WDHD1: variants seen among roughly 807,000 people sequenced by gnomAD.
WDHD1 encodes the protein WD repeat and HMG-box DNA binding protein 1.
In WDHD1, 111 loss-of-function variants were observed where a neutral mutation model predicts 135.4. That is an observed-to-expected ratio of 0.82 (90% CI 0.70 to 0.96). WDHD1 has a LOEUF of 0.96. WDHD1 is among the 40% of genes least tolerant of loss of function. WDHD1 has a pLI of 0.00. For synonymous variants in WDHD1, 434 were observed against 439.0 expected (o/e 0.99, Z 0.14); for missense variants, 1,351 against 1,336.3 (o/e 1.01, Z -0.17).
chr14:54,982,680 A>G (rs2041637644), intron 15 of WDHD1, among the ~76,000 whole-genome samples: 1 of 152,190 alleles, frequency 6.6e-6, no homozygotes, highest in Non-Finnish European at 1.5e-5. Flanking sequence ...CGGAGAAAAA[A>G]ATCTATACAA....
intron 16 of WDHD1, among the ~76,000 whole-genome samples, chr14:54,972,278 A>C (rs1221349089): frequency 2.8e-5 from 4 of 141,940 alleles, no homozygotes; most frequent in African/African-American, 7.9e-5. Flanking sequence ...CGGTCTCACC[A>C]AAAAAAAAAA....
At position 54,977,087 on chromosome 14, in the gene WDHD1, G is replaced by GTT. The variant is rs571063052; in HGVS notation, c.2063+4451_2063+4452dup. Among the ~76,000 whole-genome samples, 45 of 146,726 alleles carry GTT rather than the reference G, an allele frequency of 3.1e-4. No individual in the cohort carries two copies. The South Asian group carries it at 9.1e-3, about 30-fold the overall frequency. ...TATTTTAATACAAAAAAATAAGGTT[G>GTT]TTTTTTTTTTGCCAATAAATAGATG... is the stretch of plus-strand genomic sequence containing the variant. On this transcript the variant is annotated intron_variant, in intron 16 of 25. Transcript: ENST00000360586.
intron 16 of WDHD1, among the ~76,000 whole-genome samples, chr14:54,969,033 C>CTATT (rs200561268): frequency 0.025 from 3,768 of 151,718 alleles, 66 homozygotes; most frequent in South Asian, 0.04. Context: ...GACCTTGTTT[C>CTATT]TATTTATTTA....
At chr14:55,004,577 C>T (rs2042033055) in intron 7 of WDHD1, among the ~76,000 whole-genome samples, 1 of 152,132 alleles carries the variant, frequency 6.6e-6, no homozygotes, top group African/African-American at 2.4e-5. Flanking sequence ...CTGAGACTCC[C>T]AAGTAGCTGG....
At chr14:54,971,430 A>G (rs1043471255) in intron 16 of WDHD1, among the ~76,000 whole-genome samples, 3 of 152,154 alleles carry the variant, frequency 2.0e-5, no homozygotes, top group African/African-American at 7.2e-5. Context: ...TTTAAAAATT[A>G]TCCAGGTGTG....
intron 7 of WDHD1, chr14:55,005,659 C>CATTT: frequency 1.8e-6 from 1 of 567,350 alleles, no homozygotes; most frequent in Non-Finnish European, 3.3e-6. Context: ...CCTCCTCCTT[C>CATTT]ATTTGCAGGA....
In WDHD1 at chr14:54,963,117, G is replaced by A. The variant is rs757804827; in HGVS notation, c.2366C>T (p.Thr789Ile). The A allele has an allele frequency of 1.8e-5, 25 of 1,371,968 alleles. No individual in the cohort carries two copies. Among genetic ancestry groups the A allele is most frequent in the Non-Finnish European group, 2.3e-5 (24 of 1,034,794 alleles). The allele number at this position is 1,371,968 out of a possible 1,614,324, so 85.0% of individuals were successfully genotyped here. Residue 789 changes from threonine to isoleucine, a missense_variant, in exon 19 of 26, where the codon ACT becomes ATT. By Grantham distance (89) the Thr-to-Ile change is moderately conservative (BLOSUM62 -1). This residue lies in a region of WDHD1 where 1,330 missense variants were observed against 1,296.1 expected (regional missense o/e 1.03). Coordinates refer to ENST00000360586, the MANE Select transcript of WDHD1 (RefSeq NM_007086.4). ...AATGGCTAAATTCACAGCATTTTGA[G>A]TCATTAGATCAGCAAGTTCCACACA... ...FRCVELADLMTQNAVNLAIKY... is the reference protein window; with the variant it reads ...FRCVELADLMIQNAVNLAIKY...
At chr14:54,958,642 A>C (rs763911495) in intron 21 of WDHD1, among the ~76,000 whole-genome samples, 1 of 151,970 alleles carries the variant, frequency 6.6e-6, no homozygotes, top group Non-Finnish European at 1.5e-5. Context: ...ACTGTTCCTT[A>C]CTTCTTGATA....
At chr14:55,006,462 C>G (rs1486310367) in intron 7 of WDHD1, among the ~76,000 whole-genome samples, 1 of 152,070 alleles carries the variant, frequency 6.6e-6, no homozygotes, top group African/African-American at 2.4e-5. Flanking sequence ...GTATAACAAT[C>G]CTGTATACAA....
intron 7 of WDHD1, among the ~76,000 whole-genome samples, chr14:55,003,158 A>T (rs1432419202): frequency 6.6e-6 from 1 of 152,140 alleles, no homozygotes; most frequent in African/African-American, 2.4e-5. Context: ...AAGAAAAAAA[A>T]TACATACTAC....
chr14:54,959,043 C>A (rs927660223), intron 21 of WDHD1, among the ~76,000 whole-genome samples: 1 of 152,132 alleles, frequency 6.6e-6, no homozygotes, highest in Non-Finnish European at 1.5e-5. Context: ...ATCATTCACT[C>A]AAGTACTCAA....
intron 24 of WDHD1, among the ~76,000 whole-genome samples, chr14:54,945,931 TA>T (rs2040916763): frequency 1.3e-5 from 2 of 152,170 alleles, no homozygotes; most frequent in African/African-American, 4.8e-5. Flanking sequence ...TTTTTAAGGT[TA>T]AAAAAATTTT....
intron 25 of WDHD1, 46 bp from the exon 26 acceptor site, chr14:54,941,736 A>G: frequency 6.7e-7 from 1 of 1,493,146 alleles, no homozygotes. Context: ...TTAGAAAATA[A>G]CAAATAAGAA....
chr14:54,999,371 T>C (rs545361377), intron 10 of WDHD1, among the ~76,000 whole-genome samples: 1 of 152,318 alleles, frequency 6.6e-6, no homozygotes, highest in South Asian at 2.1e-4. Context: ...GGTACCCAGC[T>C]TTGAACACAG....
intron 7 of WDHD1, among the ~76,000 whole-genome samples, chr14:55,004,489 A>G (rs111558457): frequency 1.3e-5 from 2 of 151,986 alleles, no homozygotes; most frequent in African/African-American, 4.8e-5. Flanking sequence ...GTCTCGCTCT[A>G]TCACCTGAGC....
At position 54,988,905 on chromosome 14, in the gene WDHD1, ACT is replaced by A. The variant is rs540879927; in HGVS notation, c.1526+121_1526+122del. On this transcript the variant is annotated intron_variant, in intron 13 of 25. Transcript: ENST00000360586. Reference sequence around the variant, plus strand: ...TTGGGTGTGCTGGTGTTTGTACCAAACTCTTCTGAAATTTCATATTACAAAAA... The same window carrying A: ...TTGGGTGTGCTGGTGTTTGTACCAAACTTCTGAAATTTCATATTACAAAAA... 3.6e-4 allele frequency: 311 copies of A among 861,634 alleles called. 1 individual carries two copies. The East Asian group carries it at 8.1e-3, about 22-fold the overall frequency. The allele number at this position is 861,634 out of a possible 1,614,324, so 53.4% of individuals were successfully genotyped here. A position where few individuals can be genotyped will look rare whatever the true frequency, so the allele number is the denominator to read the frequency against.
chr14:55,007,503 T>C (rs1398747446), intron 6 of WDHD1, 128 bp from the exon 7 acceptor site: 1 of 618,358 alleles, frequency 1.6e-6, no homozygotes, highest in Non-Finnish European at 2.7e-6. Flanking sequence ...TAATGCACCT[T>C]AATTATAATA....
intron 24 of WDHD1, among the ~76,000 whole-genome samples, chr14:54,950,713 C>T (rs541707905): frequency 2.0e-5 from 3 of 152,272 alleles, no homozygotes; most frequent in South Asian, 4.2e-4. Context: ...AGCACCACAT[C>T]GCACTTATTC....
intron 2 of WDHD1, among the ~76,000 whole-genome samples, chr14:55,015,642 A>G (rs1166516707): frequency 6.6e-6 from 1 of 151,906 alleles, no homozygotes; most frequent in Non-Finnish European, 1.5e-5. Flanking sequence ...AGGGATAGCT[A>G]CTTCTTTCAG....
Sources: allele counts gnomAD v4.1 joint callset (sites outside exome capture counted in the v4.1 genomes callset), GRCh38; gene constraint gnomAD v4.1.1; regional missense constraint gnomAD v4.1.1; transcripts MANE v1.5; gene names NCBI Gene and HGNC (gene_info 2026-07-23, HGNC 2026-07-21).